RAD21L1: variants seen among roughly 807,000 people sequenced by gnomAD.
The protein encoded by RAD21L1 is RAD21 cohesin complex component like 1.
RAD21L1 carries 47 observed loss-of-function variants against 69.0 expected under a neutral mutation model. The observed-to-expected ratio is 0.68, with a 90% CI of 0.54 to 0.87. The LOEUF is 0.87. Ranked by LOEUF, RAD21L1 falls within the 40% of genes least tolerant of loss-of-function variation. The pLI is 0.00. For synonymous variants in RAD21L1, 177 were observed against 205.8 expected, an observed-to-expected ratio of 0.86 and a Z score of 1.20; for missense variants, 583 against 647.6, an observed-to-expected ratio of 0.90 and a Z score of 1.08.
At chr20:1,251,698 T>C (rs115578284) in intron 13 of RAD21L1, among the ~76,000 whole-genome samples, 2,284 of 152,202 alleles carry the variant, frequency 0.015, 53 homozygotes, top group African/African-American at 0.052. Context: ...TTCTACCCTC[T>C]AGATTTCTTC....
chr20:1,229,736 A>G, intron 2 of RAD21L1, 144 bp from the exon 3 acceptor site: 1 of 559,270 alleles, frequency 1.8e-6, no homozygotes. Context: ...TTGCAAGGTA[A>G]GGTAAAAAGT....
At chr20:1,231,367 G>T (rs1333604035) in intron 3 of RAD21L1, among the ~76,000 whole-genome samples, 159 bp from the exon 4 acceptor site, 1 of 152,252 alleles carries the variant, frequency 6.6e-6, no homozygotes, top group Admixed American at 6.5e-5. Context: ...ATATTACTCT[G>T]TCTGCTTTAT....
At chr20:1,229,201 A>C (rs371734673) in intron 2 of RAD21L1, among the ~76,000 whole-genome samples, 1 of 152,288 alleles carries the variant, frequency 6.6e-6, no homozygotes, top group East Asian at 1.9e-4. Context: ...GCTTCTGTGA[A>C]CTGTAGTTAG....
intron 2 of RAD21L1, among the ~76,000 whole-genome samples, chr20:1,228,968 T>C (rs960551368): frequency 5.3e-5 from 8 of 152,192 alleles, no homozygotes; most frequent in African/African-American, 1.4e-4. Context: ...TCCAAAAATA[T>C]GTGAAAATGT....
At chr20:1,253,808 C>T (rs1568530063) in intron 13 of RAD21L1, among the ~76,000 whole-genome samples, 1 of 152,152 alleles carries the variant, frequency 6.6e-6, no homozygotes, top group African/African-American at 2.4e-5. Context: ...TAGTCATAAT[C>T]CCCTGACACT....
intron 10 of RAD21L1, among the ~76,000 whole-genome samples, chr20:1,243,764 A>G (rs2087666049): frequency 6.6e-6 from 1 of 152,136 alleles, no homozygotes; most frequent in African/African-American, 2.4e-5. Context: ...AATATACCAC[A>G]ATGGGCTTGA....
At chr20:1,233,594 G>A (rs1423274490) in intron 4 of RAD21L1, among the ~76,000 whole-genome samples, 1 of 152,182 alleles carries the variant, frequency 6.6e-6, no homozygotes, top group Non-Finnish European at 1.5e-5. Context: ...CTTGCCAGCA[G>A]ATTCATCGTC....
Position 1,242,601 on chromosome 20 carries a change from G to A in RAD21L1, c.857-18G>A, listed in dbSNP as rs1170838646. On this transcript the variant is annotated intron_variant, in intron 8 of 13. Transcript: ENST00000683101. Reference sequence around the variant, plus strand: ...AAGCTGTATAACCAATCACATTTGTGCTATTTCTTATATTTAGACATTGCT... The same window carrying A: ...AAGCTGTATAACCAATCACATTTGTACTATTTCTTATATTTAGACATTGCT... 8 of 1,503,736 alleles carry A rather than the reference G, an allele frequency of 5.3e-6. No individual in the cohort carries two copies. In the Middle Eastern group the frequency reaches 5.2e-4, roughly 97 times the overall value. The allele number at this position is 1,503,736 out of a possible 1,614,324, so 93.1% of individuals were successfully genotyped here.
At chr20:1,240,232 T>C in intron 7 of RAD21L1, 89 bp from the exon 8 acceptor site, 1 of 1,409,272 alleles carries the variant, frequency 7.1e-7, no homozygotes, top group Non-Finnish European at 9.2e-7. Flanking sequence ...CTTCAGTTAG[T>C]TTATCTTTAT....
intron 5 of RAD21L1, among the ~76,000 whole-genome samples, chr20:1,236,063 C>T (rs936179668): frequency 1.2e-4 from 18 of 152,118 alleles, no homozygotes; most frequent in African/African-American, 4.1e-4. Context: ...CTACCGTGCC[C>T]GGCCAGGATC....
chr20:1,238,336 CT>C lies in RAD21L1; in HGVS notation c.646+130del, dbSNP rs573611495. ...TGTTTTTGTGTTATGTAGGTCAATACTTTTTTTTATACAAGTTTTCAAAGTC... is the reference window on the plus strand; with the variant it reads ...TGTTTTTGTGTTATGTAGGTCAATACTTTTTTTATACAAGTTTTCAAAGTC... On this transcript the variant is annotated intron_variant, in intron 6 of 13. Transcript: ENST00000683101. The C allele has an allele frequency of 1.0e-3, 685 of 660,730 alleles. 9 individuals carry two copies. The African/African-American group carries it at 0.011, about 10-fold the overall frequency. The allele number at this position is 660,730 out of a possible 1,614,324, so 40.9% of individuals were successfully genotyped here. A position where few individuals can be genotyped will look rare whatever the true frequency, so the allele number is the denominator to read the frequency against.
intron 1 of RAD21L1, among the ~76,000 whole-genome samples, chr20:1,227,215 A>G (rs1381994372): frequency 2.6e-5 from 4 of 152,246 alleles, no homozygotes; most frequent in Non-Finnish European, 5.9e-5. Flanking sequence ...CAGGCCAAAA[A>G]GTACATTTTA....
chr20:1,238,818 TTTA>T (rs1293325822), intron 6 of RAD21L1, among the ~76,000 whole-genome samples: 8 of 151,926 alleles, frequency 5.3e-5, no homozygotes, highest in Middle Eastern at 3.4e-3. Flanking sequence ...ACATGTTTTA[TTTA>T]TTATTATTAT....
intron 13 of RAD21L1, among the ~76,000 whole-genome samples, chr20:1,251,389 A>G (rs1228800643): frequency 7.4e-6 from 1 of 135,264 alleles, no homozygotes; most frequent in East Asian, 2.0e-4. Context: ...TTTTCCACTT[A>G]TTGTCTTTAC....
At chr20:1,227,210 C>CA (rs1324440313) in intron 1 of RAD21L1, among the ~76,000 whole-genome samples, 2 of 152,152 alleles carry the variant, frequency 1.3e-5, no homozygotes, top group Non-Finnish European at 2.9e-5. Context: ...TGCGCCAGGC[C>CA]AAAAAGTACA....
intron 10 of RAD21L1, 36 bp downstream of exon 10, chr20:1,243,232 T>G: frequency 4.9e-6 from 5 of 1,021,562 alleles, no homozygotes; most frequent in African/African-American, 1.6e-5. Flanking sequence ...TTGAGGGGAA[T>G]GCTGTGGAAA....
At chr20:1,226,443 C>G (rs1054442821) in intron 1 of RAD21L1, 1 of 152,444 alleles carries the variant, frequency 6.6e-6, no homozygotes, top group Non-Finnish European at 1.5e-5. Flanking sequence ...TGTGGAGGAG[C>G]CTTTGGCGTC....
At chr20:1,230,037 T>A (rs1474456737) in intron 3 of RAD21L1, 28 bp downstream of exon 3, 2 of 1,511,660 alleles carry the variant, frequency 1.3e-6, no homozygotes, top group East Asian at 4.9e-5. Flanking sequence ...ATTTGTCTCC[T>A]TCTTGGTTCC....
At position 1,255,863 on chromosome 20, in the gene RAD21L1, G is replaced by A. The variant is rs2122193318; in HGVS notation, c.*1406G>A. 6.6e-6 allele frequency among the ~76,000 whole-genome samples: 1 copy of A among 152,204 alleles called. No homozygotes were observed. Among genetic ancestry groups the A allele is most frequent in the African/African-American group, 2.4e-5 (1 of 41,522 alleles). Reference sequence around the variant, plus strand: ...ATACGGGCTTCTTTCACTCATAAATGTCTTTGAGACTTATCAAGTGCTTGC... The same window carrying A: ...ATACGGGCTTCTTTCACTCATAAATATCTTTGAGACTTATCAAGTGCTTGC... On this transcript the variant is annotated 3_prime_UTR_variant, in exon 14 of 14. Transcript: ENST00000683101.
Sources: allele counts gnomAD v4.1 joint callset (sites outside exome capture counted in the v4.1 genomes callset), GRCh38; gene constraint gnomAD v4.1.1; transcripts MANE v1.5; gene names NCBI Gene and HGNC (gene_info 2026-07-23, HGNC 2026-07-21).